SIPA1L1: variants seen among roughly 807,000 people sequenced by gnomAD.
SIPA1L1 encodes the protein signal induced proliferation associated 1 like 1.
Under a neutral mutation model 162.7 loss-of-function variants are expected in SIPA1L1, and 26 were observed. The observed-to-expected ratio is 0.16, with a 90% CI of 0.12 to 0.22. SIPA1L1 has a LOEUF of 0.22. SIPA1L1 is among the 10% of genes least tolerant of loss of function. SIPA1L1 has a pLI of 1.00. For missense variants in SIPA1L1, 1,874 were observed against 2,241.0 expected (o/e 0.84, Z 3.31); for synonymous variants, 829 against 837.4 (o/e 0.99, Z 0.17).
intron 13 of SIPA1L1, among the ~76,000 whole-genome samples, chr14:71,695,966 T>G (rs1174051336): frequency 6.6e-6 from 1 of 152,180 alleles, no homozygotes; most frequent in African/African-American, 2.4e-5. Context: ...TTAATTACTT[T>G]AGAATAATAA....
intron 4 of SIPA1L1, among the ~76,000 whole-genome samples, chr14:71,537,346 G>A (rs1053873102): frequency 6.6e-6 from 1 of 151,918 alleles, no homozygotes; most frequent in African/African-American, 2.4e-5. Flanking sequence ...GATTACAGGC[G>A]TGTGCCACCA....
At chr14:71,356,024 G>A (rs973897395) in intron 2 of SIPA1L1, among the ~76,000 whole-genome samples, 1 of 152,132 alleles carries the variant, frequency 6.6e-6, no homozygotes, top group African/African-American at 2.4e-5. Context: ...TGCCAGTTCT[G>A]CACTGTGGAA....
intron 7 of SIPA1L1, among the ~76,000 whole-genome samples, chr14:71,636,482 T>A (rs1208277612): frequency 6.6e-6 from 1 of 151,950 alleles, no homozygotes; most frequent in Non-Finnish European, 1.5e-5. Context: ...AATGAAAAAA[T>A]GTATGTAAAC....
chr14:71,545,013 C>A (rs533201904), intron 4 of SIPA1L1, among the ~76,000 whole-genome samples: 3 of 152,184 alleles, frequency 2.0e-5, no homozygotes, highest in South Asian at 4.2e-4. Context: ...CAAATATACA[C>A]CACCATGCCC....
intron 7 of SIPA1L1, among the ~76,000 whole-genome samples, chr14:71,631,041 G>A (rs1472008097): frequency 6.6e-6 from 1 of 152,028 alleles, no homozygotes; most frequent in East Asian, 1.9e-4. Context: ...GCCCCTGACA[G>A]GCCTGTGTGT....
chr14:71,557,224 A>T (rs2056427140), intron 4 of SIPA1L1, among the ~76,000 whole-genome samples: 1 of 152,276 alleles, frequency 6.6e-6, no homozygotes, highest in Admixed American at 6.5e-5. Flanking sequence ...TATTTTTTAA[A>T]CTAGTATTTG....
chr14:71,526,161 G>A (rs1284370011), intron 3 of SIPA1L1, among the ~76,000 whole-genome samples: 3 of 152,122 alleles, frequency 2.0e-5, no homozygotes, highest in South Asian at 2.1e-4. Context: ...AATGTGTCCC[G>A]TATTGTTTAT....
chr14:71,383,968 G>A (rs2040114638), intron 2 of SIPA1L1, among the ~76,000 whole-genome samples: 1 of 152,026 alleles, frequency 6.6e-6, no homozygotes, highest in Non-Finnish European at 1.5e-5. Context: ...CTATTCTCTG[G>A]GGCTTTTTCA....
intron 17 of SIPA1L1, among the ~76,000 whole-genome samples, chr14:71,715,208 T>C (rs1208049815): frequency 1.1e-4 from 16 of 152,370 alleles, no homozygotes; most frequent in Non-Finnish European, 1.5e-5. Flanking sequence ...ATTTGGAGCC[T>C]GAGACCCTGG....
Position 71,738,237 on chromosome 14 carries a change from C to T in SIPA1L1, c.5124-4C>T. Reference sequence around the variant, plus strand: ...CAACATGGTCTTTTGTTTCTTGTTCCCAGCAGTAAAGACTCCTCTCCCACT... The same window carrying T: ...CAACATGGTCTTTTGTTTCTTGTTCTCAGCAGTAAAGACTCCTCTCCCACT... On this transcript the variant is annotated splice_region_variant and splice_polypyrimidine_tract_variant and intron_variant, in intron 22 of 23. Coordinates refer to ENST00000381232, the MANE Select transcript of SIPA1L1 (RefSeq NM_001386936.1). 1.9e-6 allele frequency: 3 copies of T among 1,601,300 alleles called. No individual in the cohort carries two copies. The South Asian group carries it at 3.3e-5, about 18-fold the overall frequency.
chr14:71,533,466 T>C (rs2053625482), intron 4 of SIPA1L1, among the ~76,000 whole-genome samples: 1 of 152,210 alleles, frequency 6.6e-6, no homozygotes, highest in African/African-American at 2.4e-5. Flanking sequence ...AATTTTCAAC[T>C]TGTAATGTGA....
chr14:71,521,118 C>T (rs1315864428), intron 3 of SIPA1L1, among the ~76,000 whole-genome samples: 1 of 152,118 alleles, frequency 6.6e-6, no homozygotes, highest in Non-Finnish European at 1.5e-5. Context: ...TTAGGAATTG[C>T]ACTGCTATGA....
chr14:71,590,024 A>G (rs2035081427), intron 5 of SIPA1L1, among the ~76,000 whole-genome samples: 1 of 60,122 alleles, frequency 1.7e-5, no homozygotes, highest in African/African-American at 6.5e-5. Context: ...GGGAGAGTAA[A>G]AAAAAAAAAA....
intron 4 of SIPA1L1, among the ~76,000 whole-genome samples, chr14:71,539,662 C>G (rs561745006): frequency 9.9e-5 from 15 of 152,214 alleles, no homozygotes; most frequent in Admixed American, 8.5e-4. Context: ...TAGCCTTTGT[C>G]GAGCTTTTAT....
intron 5 of SIPA1L1, among the ~76,000 whole-genome samples, chr14:71,591,736 A>C (rs1171231956): frequency 6.6e-6 from 1 of 152,216 alleles, no homozygotes; most frequent in Non-Finnish European, 1.5e-5. Context: ...TACTCTTTTA[A>C]ATTCTTAATT....
In SIPA1L1 at chr14:71,702,635, C is replaced by T. The variant is rs1371031579; in HGVS notation, c.3646+130C>T. 4.9e-6 allele frequency: 4 copies of T among 814,914 alleles called. No homozygotes were observed. In the African/African-American group the frequency reaches 6.9e-5, roughly 14 times the overall value. 50.5% of individuals were successfully genotyped at this position (814,914 alleles called of 1,614,324 possible). A position where few individuals can be genotyped will look rare whatever the true frequency, so the allele number is the denominator to read the frequency against. On this transcript the variant is annotated intron_variant, in intron 15 of 23. Transcript: ENST00000381232. ...ATAAATATGAATTAGAATTAAGTCT[C>T]TGTTAGATTATGTATAAGTGAAAAC...
chr14:71,678,605 T>TGA (rs1292328310), intron 12 of SIPA1L1, among the ~76,000 whole-genome samples: 3 of 152,212 alleles, frequency 2.0e-5, no homozygotes, highest in Non-Finnish European at 4.4e-5. Flanking sequence ...AAATTCTTCT[T>TGA]TTTTGTTGTG....
intron 2 of SIPA1L1, among the ~76,000 whole-genome samples, chr14:71,416,989 G>A (rs530051774): frequency 1.3e-5 from 2 of 152,052 alleles, no homozygotes; most frequent in South Asian, 4.2e-4. Context: ...GACCTCAAGT[G>A]ATCCTTCTCC....
At chr14:71,674,625 C>T (rs2044914761) in intron 12 of SIPA1L1, among the ~76,000 whole-genome samples, 2 of 145,854 alleles carry the variant, frequency 1.4e-5, no homozygotes, top group Admixed American at 6.9e-5. Flanking sequence ...AGTGCAGTGG[C>T]GGGGTCTCGG....
Sources: allele counts gnomAD v4.1 joint callset (sites outside exome capture counted in the v4.1 genomes callset), GRCh38; gene constraint gnomAD v4.1.1; transcripts MANE v1.5; gene names NCBI Gene and HGNC (gene_info 2026-07-23, HGNC 2026-07-21).